Variants in PTPRE observed in about 807,000 individuals in gnomAD.
The protein encoded by PTPRE is receptor-type tyrosine-protein phosphatase epsilon.
PTPRE carries 51 observed loss-of-function variants against 102.0 expected under a neutral mutation model. The observed-to-expected ratio is 0.50, with a 90% confidence interval of 0.40 to 0.63. The LOEUF is 0.63. Among genes scored for constraint, PTPRE ranks in the 30% least tolerant of loss-of-function variants. PTPRE has a pLI of 0.00. For missense variants in PTPRE, 752 were observed against 915.1 expected (o/e 0.82, Z 2.30); for synonymous variants, 345 against 348.2 (o/e 0.99, Z 0.10).
At chr10:128,065,985 G>C (rs911142347) in intron 10 of PTPRE, 90 bp from the exon 11 acceptor site, 37 of 1,573,758 alleles carry the variant, frequency 2.4e-5, no homozygotes, top group Non-Finnish European at 3.1e-5. Context: ...TCCAGCTGGT[G>C]TGTGTGAGGC....
rs553812004 is a variant in PTPRE at position 128,009,059 on chromosome 10, A to G, written c.-8+26763A>G. On this transcript the variant is annotated intron_variant, in intron 2 of 20. Coordinates refer to ENST00000254667, the MANE Select transcript of PTPRE (RefSeq NM_006504.6). Reference sequence around the variant, plus strand: ...CCGGCCAGCTACAGTGTCACCTCCAACATGGTGCTGGCTGTCACCGCAAGC... The same window carrying G: ...CCGGCCAGCTACAGTGTCACCTCCAGCATGGTGCTGGCTGTCACCGCAAGC... Among the ~76,000 whole-genome samples the G allele has an allele frequency of 8.5e-4, 129 of 152,294 alleles. 2 individuals are homozygous for G. Among genetic ancestry groups the G allele is most frequent in the Non-Finnish European group, 6.5e-4 (44 of 68,012 alleles).
chr10:128,032,378 G>A (rs954689845), intron 2 of PTPRE, among the ~76,000 whole-genome samples: 6 of 152,184 alleles, frequency 3.9e-5, no homozygotes, highest in African/African-American at 1.4e-4. Flanking sequence ...AGGTTCTGTA[G>A]ACTGTCCACT....
intron 2 of PTPRE, among the ~76,000 whole-genome samples, chr10:128,033,495 A>C (rs1343977931): frequency 2.0e-5 from 3 of 152,188 alleles, no homozygotes; most frequent in African/African-American, 7.2e-5. Flanking sequence ...TTAATTACTA[A>C]TGTCACAGGA....
At chr10:127,934,469 T>G (rs1274956814) in intron 1 of PTPRE, 1 of 152,188 alleles carries the variant, frequency 6.6e-6, no homozygotes, top group African/African-American at 2.4e-5. Flanking sequence ...TGGGAAAACC[T>G]AAGTACTTCA....
chr10:128,054,782 G>A (rs891605025), intron 6 of PTPRE, among the ~76,000 whole-genome samples: 5 of 152,104 alleles, frequency 3.3e-5, no homozygotes, highest in Non-Finnish European at 7.4e-5. Flanking sequence ...TGGGTGGCAG[G>A]TCAGGCTGTG....
intron 2 of PTPRE, among the ~76,000 whole-genome samples, chr10:128,025,029 C>G (rs1164200338): frequency 6.6e-6 from 1 of 151,782 alleles, no homozygotes; most frequent in African/African-American, 2.4e-5. Context: ...CATGATGGTG[C>G]ATAACTGTAG....
chr10:128,047,360 G>T, intron 3 of PTPRE, 30 bp from the exon 4 acceptor site: 1 of 1,608,716 alleles, frequency 6.2e-7, no homozygotes. Context: ...AGTGAGGTCA[G>T]GGGTTAGGGT....
intron 1 of PTPRE, among the ~76,000 whole-genome samples, chr10:127,916,827 T>C (rs1846240941): frequency 6.6e-6 from 1 of 152,192 alleles, no homozygotes; most frequent in East Asian, 1.9e-4. Flanking sequence ...TTTGTGATTC[T>C]AGGGAAGACT....
chr10:127,993,933 G>A (rs1049057884), intron 2 of PTPRE, among the ~76,000 whole-genome samples: 20 of 152,212 alleles, frequency 1.3e-4, no homozygotes, highest in African/African-American at 4.6e-4. Context: ...TTGCTGGTCG[G>A]GGCAGGAAGT....
At chr10:127,993,583 G>A (rs1287361388) in intron 2 of PTPRE, among the ~76,000 whole-genome samples, 1 of 152,184 alleles carries the variant, frequency 6.6e-6, no homozygotes, top group Non-Finnish European at 1.5e-5. Context: ...TGAATGAGGG[G>A]ATGAACAGGC....
At chr10:127,995,722 T>C (rs1286129020) in intron 2 of PTPRE, among the ~76,000 whole-genome samples, 1 of 152,158 alleles carries the variant, frequency 6.6e-6, no homozygotes, top group Non-Finnish European at 1.5e-5. Flanking sequence ...GCAGTTATGA[T>C]GAATTTGCTG....
chr10:127,984,533 C>A (rs1262837342), intron 2 of PTPRE, among the ~76,000 whole-genome samples: 1 of 152,150 alleles, frequency 6.6e-6, no homozygotes, highest in Non-Finnish European at 1.5e-5. Context: ...TTGTCTGCTG[C>A]CTTTGTTTGG....
At chr10:128,016,760 G>C (rs1002465361) in intron 2 of PTPRE, among the ~76,000 whole-genome samples, 1 of 152,214 alleles carries the variant, frequency 6.6e-6, no homozygotes, top group African/African-American at 2.4e-5. Flanking sequence ...TTTTGGATTT[G>C]TTGGTATGAC....
At chr10:127,951,854 G>A (rs1849053026) in intron 1 of PTPRE, among the ~76,000 whole-genome samples, 1 of 152,238 alleles carries the variant, frequency 6.6e-6, no homozygotes, top group Admixed American at 6.5e-5. Flanking sequence ...CTGTGCAGAA[G>A]ACAGATAGCT....
At chr10:127,908,303 C>T (rs950684558) in intron 1 of PTPRE, among the ~76,000 whole-genome samples, 16 of 152,018 alleles carry the variant, frequency 1.1e-4, no homozygotes, top group Non-Finnish European at 2.2e-4. Context: ...TTACTGTGTC[C>T]ATGTCCAGTC....
intron 1 of PTPRE, among the ~76,000 whole-genome samples, chr10:127,959,150 C>T (rs1312743874): frequency 6.6e-6 from 1 of 152,222 alleles, no homozygotes; most frequent in Non-Finnish European, 1.5e-5. Context: ...CCTGCCTTAG[C>T]CTCCCAAAGT....
intron 1 of PTPRE, among the ~76,000 whole-genome samples, chr10:127,941,807 C>G (rs1232712237): frequency 1.3e-5 from 2 of 151,958 alleles, no homozygotes; most frequent in Non-Finnish European, 2.9e-5. Flanking sequence ...AAGCCTTGAT[C>G]TGTACATCCA....
intron 3 of PTPRE, among the ~76,000 whole-genome samples, chr10:128,046,421 G>A (rs1848095093): frequency 6.6e-6 from 1 of 152,200 alleles, no homozygotes; most frequent in Admixed American, 6.5e-5. Flanking sequence ...CCCGGTCGTT[G>A]CCTTCGAGGG....
intron 3 of PTPRE, among the ~76,000 whole-genome samples, chr10:128,044,453 G>A (rs1374146074): frequency 1.3e-5 from 2 of 152,238 alleles, no homozygotes; most frequent in Non-Finnish European, 2.9e-5. Context: ...AGCAGAGGGT[G>A]CTGGGTGGCT....
Sources: gnomAD v4.1 joint callset for allele counts (sites outside exome capture counted in the v4.1 genomes callset) on GRCh38, gnomAD v4.1.1 for gene constraint, MANE v1.5 for transcripts, NCBI Gene and HGNC (gene_info 2026-07-23, HGNC 2026-07-21) for gene names.